The following SHROOM4 variants were observed in gnomAD, a reference collection of about 807,000 sequenced individuals.
SHROOM4 encodes the protein protein Shroom4.
In SHROOM4, 17 loss-of-function variants were observed where a neutral mutation model predicts 80.3. The observed-to-expected ratio is 0.21, with a 90% CI of 0.14 to 0.32. The LOEUF (loss-of-function observed/expected upper bound fraction) is 0.32. SHROOM4 is among the 10% of genes least tolerant of loss of function. The probability of loss-of-function intolerance (pLI) is 1.00; values close to 1 mark genes in which losing one functional copy is unlikely to be tolerated. For synonymous variants in SHROOM4, 400 were observed against 437.5 expected, an observed-to-expected ratio of 0.91 and a Z score of 1.07; for missense variants, 993 against 1,140.3, an observed-to-expected ratio of 0.87 and a Z score of 1.86.
intron 2 of SHROOM4, among the ~76,000 whole-genome samples, chrX:50,682,130 T>C (rs1450250291): frequency 8.9e-6 from 1 of 112,315 alleles, no homozygotes; most frequent in African/African-American, 3.2e-5. Context: ...TTTTGTTTCT[T>C]TTTGATATAA....
At chrX:50,670,264 C>G (rs149021556) in intron 2 of SHROOM4, among the ~76,000 whole-genome samples, 3,734 of 108,931 alleles carry the variant, frequency 0.034, 169 homozygotes, top group African/African-American at 0.12. Context: ...CCCCTAGCCC[C>G]CCACCCTCTG....
chrX:50,600,355 C>T (rs968780668), intron 7 of SHROOM4, among the ~76,000 whole-genome samples: 1 of 111,343 alleles, frequency 9.0e-6, no homozygotes, highest in African/African-American at 3.3e-5. Context: ...AGCACAGAGA[C>T]TCCAGTGCCA....
intron 1 of SHROOM4, among the ~76,000 whole-genome samples, chrX:50,722,220 T>C (rs1479280132): frequency 9.1e-6 from 1 of 109,986 alleles, no homozygotes; most frequent in East Asian, 2.8e-4. Context: ...GCAGAAAAGA[T>C]GTTTCTAGAG....
At chrX:50,711,014 C>G (rs1557264356) in intron 1 of SHROOM4, among the ~76,000 whole-genome samples, 1 of 111,895 alleles carries the variant, frequency 8.9e-6, no homozygotes, top group Admixed American at 9.5e-5. Flanking sequence ...TAAACAAACA[C>G]AGATGAAAGA....
intron 1 of SHROOM4, among the ~76,000 whole-genome samples, chrX:50,759,721 T>C (rs1935110386): frequency 8.9e-6 from 1 of 111,861 alleles, no homozygotes; most frequent in African/African-American, 3.2e-5. Flanking sequence ...TCCCTGTGAC[T>C]ACTATTTTTC....
At position 50,587,265 on chromosome X, in the gene SHROOM4, G is replaced by C. The variant is rs1451787279; in HGVS notation, c.*9430C>G. On this transcript the variant is annotated 3_prime_UTR_variant, in exon 9 of 9. Coordinates refer to ENST00000376020, the MANE Select transcript of SHROOM4 (RefSeq NM_020717.5). ...AATGTTGATGAGGGTATGGAGGAAA[G>C]GAAACCCTGGTACATTGTTGGTGGG... Among the ~76,000 whole-genome samples the C allele has an allele frequency of 1.8e-5, 2 of 112,122 alleles. No individual in the cohort carries two copies. Among genetic ancestry groups the C allele is most frequent in the Non-Finnish European group, 3.8e-5 (2 of 53,202 alleles).
At chrX:50,709,448 T>C (rs1933756612) in intron 1 of SHROOM4, among the ~76,000 whole-genome samples, 1 of 112,368 alleles carries the variant, frequency 8.9e-6, no homozygotes, top group Non-Finnish European at 1.9e-5. Flanking sequence ...ATGGTCTCCA[T>C]AGCCACATAT....
chrX:50,702,796 G>T (rs1272991534), intron 1 of SHROOM4, among the ~76,000 whole-genome samples: 1 of 111,867 alleles, frequency 8.9e-6, no homozygotes, highest in Non-Finnish European at 1.9e-5. Flanking sequence ...AGAATTAAAA[G>T]AATAATTAGA....
At chrX:50,609,920 A>G (rs1461031841) in intron 5 of SHROOM4, among the ~76,000 whole-genome samples, 2 of 110,830 alleles carry the variant, frequency 1.8e-5, no homozygotes, top group Non-Finnish European at 3.8e-5. Context: ...GTTAAAAGAC[A>G]TCTCTTTAGC....
At position 50,638,195 on chromosome X, in the gene SHROOM4, C is replaced by T. The variant is rs142159861; in HGVS notation, c.383G>A (p.Trp128Ter). 8.3e-7 allele frequency: 1 copy of T among 1,206,287 alleles called. No individual in the cohort carries two copies. The highest frequency in any genetic ancestry group is 1.1e-6 in the Non-Finnish European group (1 of 893,412). ...TCACCTTGTGTTGCAGCCAGAATGC[C>T]AGGACAAGCTGAAGGCTTCAGAAGG... is the stretch of plus-strand genomic sequence containing the variant. ...HFPSEAFSLS[W>*]HSGCNTSDVC... Residue 128 changes from tryptophan (W) to a stop codon, truncating the protein, a stop_gained, in exon 3 of 9, where the codon TGG becomes TAG. Coordinates refer to ENST00000376020, the MANE Select transcript of SHROOM4 (RefSeq NM_020717.5). LOFTEE classifies it high-confidence loss of function.
chrX:50,762,510 G>A (rs1168667837), intron 1 of SHROOM4, among the ~76,000 whole-genome samples: 1 of 111,903 alleles, frequency 8.9e-6, no homozygotes, highest in Non-Finnish European at 1.9e-5. Context: ...ATGTGGATAT[G>A]AATTACTGTG....
intron 1 of SHROOM4, among the ~76,000 whole-genome samples, chrX:50,791,087 A>C (rs1448689269): frequency 9.0e-6 from 1 of 111,368 alleles, no homozygotes; most frequent in Non-Finnish European, 1.9e-5. Flanking sequence ...CCATAAAAAA[A>C]CTGTTAGAAC....
At chrX:50,665,818 A>T (rs926210193) in intron 2 of SHROOM4, among the ~76,000 whole-genome samples, 10 of 111,720 alleles carry the variant, frequency 9.0e-5, no homozygotes, top group South Asian at 3.8e-4. Flanking sequence ...CAGAACTAAC[A>T]TTTACGGAGT....
At chrX:50,628,020 G>A (rs992362032) in intron 4 of SHROOM4, among the ~76,000 whole-genome samples, 2 of 112,331 alleles carry the variant, frequency 1.8e-5, no homozygotes, top group Admixed American at 1.9e-4. Flanking sequence ...CAGAGAGATG[G>A]AGGTCTTTTT....
At chrX:50,770,962 T>C (rs782585608) in intron 1 of SHROOM4, among the ~76,000 whole-genome samples, 38 of 111,431 alleles carry the variant, frequency 3.4e-4, no homozygotes, top group Non-Finnish European at 6.4e-4. Context: ...TACTCAACAA[T>C]GCTTACAATA....
At chrX:50,641,581 A>G (rs1476304036) in intron 2 of SHROOM4, among the ~76,000 whole-genome samples, 1 of 110,203 alleles carries the variant, frequency 9.1e-6, no homozygotes, top group Admixed American at 9.6e-5. Flanking sequence ...ACCTTGCCAC[A>G]CTGTGAAACA....
At chrX:50,577,586 T>C in the SHROOM4 span, among the ~76,000 whole-genome samples, 1 of 112,211 alleles carries the variant, frequency 8.9e-6, no homozygotes, top group African/African-American at 3.2e-5. Context: ...TTTTGCAGCC[T>C]GAAATAGAGG....
rs782548063 is a variant in SHROOM4, at chrX:50,635,349, G to A, written c.724C>T (p.Arg242Cys). The A allele has an allele frequency of 9.5e-5, 114 of 1,201,537 alleles. No homozygotes were observed. The highest frequency in any genetic ancestry group is 1.2e-4 in the Non-Finnish European group (110 of 890,815). ...NVAETSGGSRRTNGGHLTPSS... is the reference protein window; with the variant it reads ...NVAETSGGSRCTNGGHLTPSS... The stretch of plus-strand genomic sequence containing the variant: ...GGGGTCAGGTGGCCCCCATTGGTGC[G>A]CCGACTACCTCCTGAGGTCTCAGCC... The change falls in exon 4 of 9, where the codon CGC (arginine) becomes TGC (cysteine). Residue 242 changes from arginine (R) to cysteine (C), a missense_variant. Coordinates refer to ENST00000376020, the MANE Select transcript of SHROOM4 (RefSeq NM_020717.5).
In SHROOM4 at chrX:50,617,387, T is replaced by C. The variant is rs1930286993; in HGVS notation, c.2958-9203A>G. ...CTGATTAATGTTCAACCCTGCTCAA[T>C]AGCCAAGAAACCAGGAGACCTCAAG... On this transcript the variant is annotated intron_variant, in intron 5 of 8. Transcript: ENST00000376020. Among the ~76,000 whole-genome samples the C allele has an allele frequency of 2.7e-5, 3 of 111,476 alleles. No homozygotes were observed. In the South Asian group the frequency reaches 1.1e-3, roughly 42 times the overall value.
Sources: allele counts gnomAD v4.1 joint callset (sites outside exome capture counted in the v4.1 genomes callset), GRCh38; gene constraint gnomAD v4.1.1; transcripts MANE v1.5; gene names NCBI Gene and HGNC (gene_info 2026-07-23, HGNC 2026-07-21).